FAM13C: variants seen among roughly 807,000 people sequenced by gnomAD.
FAM13C encodes family with sequence similarity 13 member C.
In FAM13C, 37 loss-of-function variants were observed where a neutral mutation model predicts 73.2. That is an observed-to-expected ratio of 0.51 (90% CI 0.39 to 0.67). FAM13C has a LOEUF of 0.67. Among genes scored for constraint, FAM13C ranks in the 30% least tolerant of loss-of-function variants. The pLI is 0.00. For synonymous variants in FAM13C, 246 were observed against 260.9 expected, an observed-to-expected ratio of 0.94 and a Z score of 0.55; for missense variants, 589 against 715.6, an observed-to-expected ratio of 0.82 and a Z score of 2.02.
intron 4 of FAM13C, among the ~76,000 whole-genome samples, chr10:59,318,211 C>T (rs1444009276): frequency 2.0e-5 from 3 of 150,256 alleles, no homozygotes; most frequent in Admixed American, 2.0e-4. Flanking sequence ...CCCTTTTATC[C>T]TTATGCCAAA....
chr10:59,283,616 G>A (rs1448788215), intron 5 of FAM13C, 169 bp from the exon 6 acceptor site: 1 of 690,130 alleles, frequency 1.4e-6, no homozygotes, highest in Non-Finnish European at 2.6e-6. Flanking sequence ...GCAGGAAGAG[G>A]GTGGTGGCAA....
intron 13 of FAM13C, among the ~76,000 whole-genome samples, chr10:59,248,712 T>G (rs1353128044): frequency 6.6e-6 from 1 of 152,186 alleles, no homozygotes; most frequent in Non-Finnish European, 1.5e-5. Flanking sequence ...AGCATATATT[T>G]AATGTTTTAT....
At chr10:59,339,633 G>T (rs1464452004) in intron 3 of FAM13C, among the ~76,000 whole-genome samples, 1 of 152,058 alleles carries the variant, frequency 6.6e-6, no homozygotes, top group African/African-American at 2.4e-5. Context: ...GAAAACAAAG[G>T]CTCCCTTAGG....
chr10:59,317,045 C>A (rs1163387931), intron 4 of FAM13C, among the ~76,000 whole-genome samples: 2 of 151,298 alleles, frequency 1.3e-5, no homozygotes, highest in African/African-American at 4.9e-5. Context: ...AATGTTTTAA[C>A]CTAGCATTAA....
chr10:59,357,633 T>C (rs1234148166), intron 1 of FAM13C, among the ~76,000 whole-genome samples: 1 of 152,206 alleles, frequency 6.6e-6, no homozygotes, highest in Non-Finnish European at 1.5e-5. Flanking sequence ...CACACCACTG[T>C]GGACAAACAC....
At chr10:59,356,403 G>A (rs923710095) in intron 1 of FAM13C, among the ~76,000 whole-genome samples, 1 of 152,092 alleles carries the variant, frequency 6.6e-6, no homozygotes, top group East Asian at 1.9e-4. Flanking sequence ...AAAGGAAGGG[G>A]TTCCTTTTCA....
At chr10:59,324,967 T>TTA (rs1401747844) in intron 3 of FAM13C, among the ~76,000 whole-genome samples, 1 of 152,130 alleles carries the variant, frequency 6.6e-6, no homozygotes, top group African/African-American at 2.4e-5. Context: ...AATAAAAGAT[T>TTA]TATATATATC....
At position 59,289,740 on chromosome 10, in the gene FAM13C, T is replaced by C. The variant is rs1406567975; in HGVS notation, c.508-6293A>G. 5.9e-5 allele frequency among the ~76,000 whole-genome samples: 9 copies of C among 152,314 alleles called. No homozygotes were observed. The South Asian group carries it at 6.2e-4, about 11-fold the overall frequency. On this transcript the variant is annotated intron_variant, in intron 5 of 13. Coordinates refer to ENST00000618804, the MANE Select transcript of FAM13C (RefSeq NM_198215.4). ...TTCACTTCCATCATGCCCGACTTAG[T>C]GACCTTCAATGCAGGAACATGCTTT... is the stretch of plus-strand genomic sequence containing the variant.
intron 5 of FAM13C, among the ~76,000 whole-genome samples, chr10:59,292,443 GC>G (rs1409216719): frequency 6.6e-6 from 1 of 152,230 alleles, no homozygotes; most frequent in East Asian, 1.9e-4. Context: ...GGCCCACTGG[GC>G]CCTTAATCTG....
intron 3 of FAM13C, among the ~76,000 whole-genome samples, chr10:59,347,320 C>A (rs1450732650): frequency 6.6e-6 from 1 of 152,120 alleles, no homozygotes; most frequent in Non-Finnish European, 1.5e-5. Context: ...TTCCTCCACC[C>A]CACCCATGGT....
chr10:59,352,444 G>A lies in FAM13C; in HGVS notation c.150C>T (p.Asp50=), dbSNP rs773610060. 1.4e-5 allele frequency: 23 copies of A among 1,612,676 alleles called. No homozygotes were observed. The highest frequency in any genetic ancestry group is 1.9e-5 in the Non-Finnish European group (23 of 1,179,544). ...RDENNKENYP[D]AGALVEEHAP... ...CGTGCTCTTCTACCAGAGCCCCTGCGTCGGGGTAGTTCTCTTTATTGTTTT... is the reference window on the plus strand; with the variant it reads ...CGTGCTCTTCTACCAGAGCCCCTGCATCGGGGTAGTTCTCTTTATTGTTTT... Residue 50 remains aspartate (D), a synonymous_variant, in exon 3 of 14, where the codon GAC becomes GAT. Coordinates refer to ENST00000618804, the MANE Select transcript of FAM13C (RefSeq NM_198215.4).
At chr10:59,277,136 A>G (rs897996945) in intron 6 of FAM13C, among the ~76,000 whole-genome samples, 1 of 152,190 alleles carries the variant, frequency 6.6e-6, no homozygotes, top group Admixed American at 6.6e-5. Flanking sequence ...GCCAGTAATG[A>G]TGCCATTAAA....
intron 6 of FAM13C, among the ~76,000 whole-genome samples, chr10:59,278,261 A>AC (rs1341384437): frequency 3.3e-5 from 5 of 152,254 alleles, no homozygotes; most frequent in African/African-American, 1.2e-4. Flanking sequence ...ACAAAGCCAA[A>AC]CCATATCACC....
Position 59,352,375 on chromosome 10 carries a change from G to C in FAM13C, c.219C>G (p.Thr73=). The stretch of plus-strand genomic sequence containing the variant: ...GTCGCAATACGCTGTCCACCAGCAC[G>C]GTCGCCTCTACATTCTGCTGCTGCG... ...WEPQQQNVEA[T]VLVDSVLRPS... The change falls in exon 3 of 14, where the codon ACC becomes ACG. Residue 73 remains threonine (T), a synonymous_variant. Transcript: ENST00000618804. The C allele has an allele frequency of 6.2e-7, 1 of 1,614,144 alleles. No homozygotes were observed. Among genetic ancestry groups the C allele is most frequent in the Non-Finnish European group, 8.5e-7 (1 of 1,180,048 alleles).
chr10:59,323,815 C>A (rs1386807947), intron 4 of FAM13C, among the ~76,000 whole-genome samples, 173 bp downstream of exon 4: 1 of 152,164 alleles, frequency 6.6e-6, no homozygotes, highest in East Asian at 1.9e-4. Flanking sequence ...TTACATTTAT[C>A]TTAAACTCAC....
chr10:59,276,284 T>A (rs1486204802), intron 6 of FAM13C, among the ~76,000 whole-genome samples: 1 of 152,138 alleles, frequency 6.6e-6, no homozygotes, highest in Non-Finnish European at 1.5e-5. Flanking sequence ...CTGGAAGTAG[T>A]TAGAAATTAT....
intron 4 of FAM13C, among the ~76,000 whole-genome samples, chr10:59,319,083 A>G (rs1849877436): frequency 2.5e-5 from 3 of 120,038 alleles, no homozygotes; most frequent in African/African-American, 8.6e-5. Context: ...ACACACACAC[A>G]CACACACACA....
chr10:59,355,610 TG>T (rs1213893697), intron 2 of FAM13C, among the ~76,000 whole-genome samples: 3 of 152,150 alleles, frequency 2.0e-5, no homozygotes, highest in Non-Finnish European at 2.9e-5. Flanking sequence ...CTTTAGGGTG[TG>T]TGATGAGAAT....
chr10:59,303,287 C>G (rs1351453210), intron 4 of FAM13C, among the ~76,000 whole-genome samples: 1 of 152,218 alleles, frequency 6.6e-6, no homozygotes, highest in African/African-American at 2.4e-5. Context: ...CCTAACTAGA[C>G]AAGACATGCC....
Sources: allele counts gnomAD v4.1 joint callset (sites outside exome capture counted in the v4.1 genomes callset), GRCh38; gene constraint gnomAD v4.1.1; transcripts MANE v1.5; gene names NCBI Gene and HGNC (gene_info 2026-07-23, HGNC 2026-07-21).